Variants in TFAP2B observed in about 807,000 individuals in gnomAD.
TFAP2B encodes the protein transcription factor AP-2 beta.
In TFAP2B, 9 loss-of-function variants were observed where a neutral mutation model predicts 44.3. The ratio of observed to expected loss-of-function variants is 0.20; its 90% CI spans 0.12 to 0.35. TFAP2B has a LOEUF of 0.35. Ranked by LOEUF, TFAP2B falls within the 10% of genes least tolerant of loss-of-function variation. The pLI is 1.00. For synonymous variants in TFAP2B, 270 were observed against 263.8 expected, an observed-to-expected ratio of 1.02 and a Z score of -0.23; for missense variants, 509 against 600.0, an observed-to-expected ratio of 0.85 and a Z score of 1.59.
intron 2 of TFAP2B, among the ~76,000 whole-genome samples, chr6:50,828,181 A>G (rs1770579970): frequency 6.6e-6 from 1 of 152,190 alleles, no homozygotes; most frequent in South Asian, 2.1e-4. Flanking sequence ...CTTTAATTAA[A>G]ATCCCATAAT....
chr6:50,831,917 T>C (rs1762505189), intron 3 of TFAP2B, among the ~76,000 whole-genome samples: 1 of 152,206 alleles, frequency 6.6e-6, no homozygotes, highest in African/African-American at 2.4e-5. Context: ...TCCTGTTTGG[T>C]TAGTTTCAGT....
rs1415702776 is a variant in TFAP2B at position 50,845,147 on chromosome 6, T to G, written c.*1755T>G. ...CCGGGATAAGGGTGAATGAGAGAGGTCTCTAAATATAGTGTTGATACACTC... is the reference window on the plus strand; with the variant it reads ...CCGGGATAAGGGTGAATGAGAGAGGGCTCTAAATATAGTGTTGATACACTC... On this transcript the variant is annotated 3_prime_UTR_variant, in exon 7 of 7. Transcript: ENST00000393655. 6.6e-6 allele frequency: 1 copy of G among 151,910 alleles called. No homozygotes were observed. The highest frequency in any genetic ancestry group is 2.4e-5 in the African/African-American group (1 of 41,322). 9.4% of individuals were successfully genotyped at this position (151,910 alleles called of 1,614,324 possible).
intron 5 of TFAP2B, 110 bp from the exon 6 acceptor site, chr6:50,840,046 A>C: frequency 6.9e-7 from 1 of 1,454,474 alleles, no homozygotes; most frequent in Non-Finnish European, 9.6e-7. Flanking sequence ...TTTTGGCTCC[A>C]ACAGCTGGCC....
intron 2 of TFAP2B, among the ~76,000 whole-genome samples, chr6:50,827,958 C>G (rs1446425315): frequency 6.6e-6 from 1 of 152,144 alleles, no homozygotes; most frequent in African/African-American, 2.4e-5. Context: ...TAGTTACTGC[C>G]TTCCTAACAG....
rs1762865914 is a variant in TFAP2B at position 50,847,133 on chromosome 6, A to G, written c.*3741A>G. 6.6e-6 allele frequency: 1 copy of G among 152,556 alleles called. No individual in the cohort carries two copies. The allele number at this position is 152,556 out of a possible 1,614,324, so 9.5% of individuals were successfully genotyped here. Reference sequence around the variant, plus strand: ...ACCTTAAACCGTCTGATGTTGCCTCAAGAGCCCAAACGGCGTTTCCCCACC... The same window carrying G: ...ACCTTAAACCGTCTGATGTTGCCTCGAGAGCCCAAACGGCGTTTCCCCACC... On this transcript the variant is annotated 3_prime_UTR_variant, in exon 7 of 7. Transcript: ENST00000393655.
intron 3 of TFAP2B, among the ~76,000 whole-genome samples, chr6:50,833,448 G>A (rs987373584): frequency 6.6e-6 from 1 of 152,110 alleles, no homozygotes. Context: ...ACACAATTGT[G>A]ATACTTAAAT....
chr6:50,828,712 G>A, intron 3 of TFAP2B, 33 bp downstream of exon 3: 2 of 1,610,692 alleles, frequency 1.2e-6, no homozygotes, highest in Non-Finnish European at 1.7e-6. Context: ...AGTAAGCAAA[G>A]TTCTCTCATG....
intron 2 of TFAP2B, among the ~76,000 whole-genome samples, chr6:50,826,125 T>C (rs1400768639): frequency 6.6e-6 from 1 of 152,074 alleles, no homozygotes; most frequent in Non-Finnish European, 1.5e-5. Context: ...CACAAGCAGG[T>C]TGGGATTTCA....
intron 2 of TFAP2B, among the ~76,000 whole-genome samples, chr6:50,825,027 G>T (rs935650568): frequency 1.3e-5 from 2 of 152,158 alleles, no homozygotes; most frequent in African/African-American, 2.4e-5. Context: ...TCATTCTTCT[G>T]TACCTTGCTG....
chr6:50,830,510 C>T (rs1770644182), intron 3 of TFAP2B, among the ~76,000 whole-genome samples: 1 of 152,006 alleles, frequency 6.6e-6, no homozygotes, highest in East Asian at 1.9e-4. Flanking sequence ...CATTTTATGT[C>T]CCCCCAAATG....
intron 3 of TFAP2B, among the ~76,000 whole-genome samples, chr6:50,829,081 C>T (rs538335981): frequency 1.0e-3 from 152 of 152,240 alleles, no homozygotes; most frequent in Non-Finnish European, 1.8e-3. Flanking sequence ...ATAGCTCTTT[C>T]TTCGTTTTGT....
intron 2 of TFAP2B, among the ~76,000 whole-genome samples, chr6:50,827,579 T>A (rs1770563390): frequency 6.6e-6 from 1 of 152,226 alleles, no homozygotes; most frequent in South Asian, 2.1e-4. Context: ...AAACAGCTCC[T>A]CACTCTCAAG....
rs1037854222 is a variant in TFAP2B at position 50,842,901 on chromosome 6, C to T, written c.1083-191C>T. On this transcript the variant is annotated intron_variant, in intron 6 of 6. Transcript: ENST00000393655. ...GTGGAAGGGGTGCATTACCTCCCCA[C>T]CCCCGCTTTCCTTTCAGTCCCAGCT... Among the ~76,000 whole-genome samples the T allele has an allele frequency of 3.3e-4, 51 of 152,288 alleles. 1 individual carries two copies. The highest frequency in any genetic ancestry group is 1.2e-3 in the African/African-American group (49 of 41,558).
intron 1 of TFAP2B, chr6:50,822,005 T>A: frequency 2.4e-6 from 1 of 417,772 alleles, no homozygotes; most frequent in Non-Finnish European, 4.0e-6. Flanking sequence ...TTTTTTTTTT[T>A]TTTTGATGGC....
At position 50,831,805 on chromosome 6, in the gene TFAP2B, G is replaced by C. The variant is rs181358335; in HGVS notation, c.601+3126G>C. Among the ~76,000 whole-genome samples the C allele has an allele frequency of 3.9e-5, 6 of 152,288 alleles. No individual in the cohort carries two copies. In the East Asian group the frequency reaches 1.2e-3, roughly 29 times the overall value. On this transcript the variant is annotated intron_variant, in intron 3 of 6. Coordinates refer to ENST00000393655, the MANE Select transcript of TFAP2B (RefSeq NM_003221.4). The stretch of plus-strand genomic sequence containing the variant: ...AATATGCAATCTGTTTAACACCTTA[G>C]ACAGCAGAAAATATTCTGGGATTTC...
chr6:50,842,901 C>G (rs1037854222), intron 6 of TFAP2B, among the ~76,000 whole-genome samples, 191 bp from the exon 7 acceptor site: 2 of 152,170 alleles, frequency 1.3e-5, no homozygotes, highest in Non-Finnish European at 2.9e-5. Flanking sequence ...TACCTCCCCA[C>G]CCCCGCTTTC....
At chr6:50,824,126 T>C (rs752303334) in intron 2 of TFAP2B, among the ~76,000 whole-genome samples, 5 of 152,252 alleles carry the variant, frequency 3.3e-5, no homozygotes, top group East Asian at 1.9e-4. Context: ...GTATTTGCTT[T>C]GATACCTTAA....
intron 2 of TFAP2B, among the ~76,000 whole-genome samples, chr6:50,825,920 G>A (rs1770490171): frequency 6.6e-6 from 1 of 152,212 alleles, no homozygotes; most frequent in African/African-American, 2.4e-5. Flanking sequence ...AGCAAAGACA[G>A]GGACGGTCTC....
At position 50,840,195 on chromosome 6, in the gene TFAP2B, G is replaced by C; in HGVS notation, c.980G>C (p.Cys327Ser). 1 of 1,614,076 alleles carries C rather than the reference G, an allele frequency of 6.2e-7. No homozygotes were observed. Among genetic ancestry groups the C allele is most frequent in the Non-Finnish European group, 8.5e-7 (1 of 1,180,030 alleles). Reference sequence around the variant, plus strand: ...TTAGCTAGGGATTTTGGGTACATTTGCGAAACGGAGTTTCCCGCCAAAGCC... The same window carrying C: ...TTAGCTAGGGATTTTGGGTACATTTCCGAAACGGAGTTTCCCGCCAAAGCC... ...VHLARDFGYI[C>S]ETEFPAKAVS... Residue 327 changes from cysteine to serine, a missense_variant, in exon 6 of 7, where the codon TGC (cysteine) becomes TCC (serine). Cys to Ser is a moderately radical substitution (Grantham distance 112). Coordinates refer to ENST00000393655, the MANE Select transcript of TFAP2B (RefSeq NM_003221.4).
Sources: gnomAD v4.1 joint callset for allele counts (sites outside exome capture counted in the v4.1 genomes callset) on GRCh38, gnomAD v4.1.1 for gene constraint, MANE v1.5 for transcripts, NCBI Gene and HGNC (gene_info 2026-07-23, HGNC 2026-07-21) for gene names.